Variants in RASGRP4 observed in about 807,000 individuals in gnomAD.
RASGRP4 encodes RAS guanyl releasing protein 4, also known as RAS guanyl-releasing protein 4.
A neutral mutation model predicts 84.4 loss-of-function variants in RASGRP4; 52 were observed. The ratio of observed to expected loss-of-function variants is 0.62; its 90% CI spans 0.49 to 0.78. The LOEUF (loss-of-function observed/expected upper bound fraction) is 0.78. Among genes scored for constraint, RASGRP4 ranks in the 30% least tolerant of loss-of-function variants. The pLI is 0.00. For missense variants in RASGRP4, 760 were observed against 886.9 expected, an observed-to-expected ratio of 0.86 and a Z score of 1.82; for synonymous variants, 356 against 359.1, an observed-to-expected ratio of 0.99 and a Z score of 0.10.
In RASGRP4 at chr19:38,418,315, G is replaced by A. The variant is rs943316179; in HGVS notation, c.837+76C>T. 2.6e-5 allele frequency: 37 copies of A among 1,440,016 alleles called. No individual in the cohort carries two copies. In the African/African-American group the frequency reaches 5.1e-4, roughly 20 times the overall value. The allele number at this position is 1,440,016 out of a possible 1,614,324, so 89.2% of individuals were successfully genotyped here. ...ACGTCACCGCCGGGATGACCCTGTG[G>A]GGTCGAGGGTCTGGAAGGGGAAGGA... On this transcript the variant is annotated intron_variant, in intron 7 of 16. Coordinates refer to ENST00000615439, the MANE Select transcript of RASGRP4 (RefSeq NM_170604.3). This position sits in a 1 kb window ranked among gnomAD's most constrained non-coding sequence, Gnocchi z 4.6.
Position 38,411,389 on chromosome 19 carries a change from G to T in RASGRP4, c.1681-8C>A. On this transcript the variant is annotated splice_polypyrimidine_tract_variant and splice_region_variant and intron_variant, in intron 13 of 16. Transcript: ENST00000615439. ...CTTGGTGACACCCCAGAGCTGGGAA[G>T]AGAAAGGAGAAAAGGTTACCCATCC... The T allele has an allele frequency of 6.4e-7, 1 of 1,552,802 alleles. No individual in the cohort carries two copies. The highest frequency in any genetic ancestry group is 8.7e-7 in the Non-Finnish European group (1 of 1,145,764).
At position 38,412,481 on chromosome 19, in the gene RASGRP4, C is replaced by A. The variant is rs920943854; in HGVS notation, c.1680+191G>T. 3.3e-6 allele frequency: 2 copies of A among 615,028 alleles called. No homozygotes were observed. Among genetic ancestry groups the A allele is most frequent in the African/African-American group, 3.7e-5 (2 of 54,100 alleles). 38.1% of individuals were successfully genotyped at this position (615,028 alleles called of 1,614,324 possible). A position where few individuals can be genotyped will look rare whatever the true frequency, so the allele number is the denominator to read the frequency against. ...AGCAATTGTCTGGGGTGGACATTAT[C>A]TGGGATTTTGGGATTATCTGGCATT... is the stretch of plus-strand genomic sequence containing the variant. On this transcript the variant is annotated intron_variant, in intron 13 of 16. Transcript: ENST00000615439. This position sits in a 1 kb window ranked among gnomAD's most constrained non-coding sequence, Gnocchi z 4.6.
intron 6 of RASGRP4, among the ~76,000 whole-genome samples, chr19:38,419,272 A>G (rs981304380): frequency 4.6e-5 from 7 of 152,334 alleles, no homozygotes; most frequent in African/African-American, 7.2e-5. Flanking sequence ...TGGACCAGGC[A>G]CTGTTCCTGC....
At chr19:38,419,821 T>C (rs370589340) in intron 6 of RASGRP4, 39 bp downstream of exon 6, 2 of 1,541,764 alleles carry the variant, frequency 1.3e-6, no homozygotes, top group African/African-American at 2.7e-5. Flanking sequence ...TACCCCAGTG[T>C]CTCCCCTGCT....
intron 8 of RASGRP4, 139 bp from the exon 9 acceptor site, chr19:38,415,262 C>T: frequency 4.2e-6 from 3 of 708,088 alleles, no homozygotes; most frequent in Non-Finnish European, 4.5e-6. Flanking sequence ...CCATGCCGGT[C>T]TCAGCATCTC....
chr19:38,411,044 C>T lies in RASGRP4; in HGVS notation c.1853-46G>A, dbSNP rs1401288051. Reference sequence around the variant, plus strand: ...GGGATGTGGGTCTGATGGGAAGGACCTCTTCTTGACCTTGGACTCAACCCC... The same window carrying T: ...GGGATGTGGGTCTGATGGGAAGGACTTCTTCTTGACCTTGGACTCAACCCC... On this transcript the variant is annotated intron_variant, in intron 15 of 16. Transcript: ENST00000615439. 5 of 1,610,120 alleles carry T rather than the reference C, an allele frequency of 3.1e-6. No homozygotes were observed. In the South Asian group the frequency reaches 3.3e-5, roughly 11 times the overall value.
In RASGRP4 at chr19:38,420,770, T is replaced by C. The variant is rs1971709981; in HGVS notation, c.377+138A>G. Reference sequence around the variant, plus strand: ...TCTTAGGAACCAAGCTACAGGTGTCTCAGAAGTGGGATTTTGGCCTGTGGG... The same window carrying C: ...TCTTAGGAACCAAGCTACAGGTGTCCCAGAAGTGGGATTTTGGCCTGTGGG... On this transcript the variant is annotated intron_variant, in intron 4 of 16. Coordinates refer to ENST00000615439, the MANE Select transcript of RASGRP4 (RefSeq NM_170604.3). The C allele has an allele frequency of 8.7e-5, 69 of 793,048 alleles. No individual in the cohort carries two copies. The South Asian group carries it at 1.1e-3, about 12-fold the overall frequency. 49.1% of individuals were successfully genotyped at this position (793,048 alleles called of 1,614,324 possible).
chr19:38,420,225 C>G lies in RASGRP4; in HGVS notation c.415G>C (p.Asp139His). ...CCTATGACTTCTTCTAGCTGGGGAT[C>G]CTGGTGCATCACCTCAGGGTGTCGC... ...LMRHPEVMHQDPQLEEVIGRF... is the reference protein window; with the variant it reads ...LMRHPEVMHQHPQLEEVIGRF... Residue 139 changes from aspartate to histidine, a missense_variant, in exon 5 of 17, where the codon GAT (aspartate) becomes CAT (histidine). Asp to His is a moderately conservative substitution (Grantham distance 81, BLOSUM62 -1). Transcript: ENST00000615439. The G allele has an allele frequency of 1.9e-6, 3 of 1,613,092 alleles. No individual in the cohort carries two copies. Among genetic ancestry groups the G allele is most frequent in the Non-Finnish European group, 2.5e-6 (3 of 1,179,544 alleles).
In RASGRP4 at chr19:38,412,672, G is replaced by A. The variant is rs528875059; in HGVS notation, c.1680C>T (p.Phe560=). 25 of 1,612,626 alleles carry A rather than the reference G, an allele frequency of 1.6e-5. No homozygotes were observed. Among genetic ancestry groups the A allele is most frequent in the Non-Finnish European group, 1.9e-5 (22 of 1,179,334 alleles). ...KPTFCDSCSG[F]LWGVTKQGYR... Reference sequence around the variant, plus strand: ...GGTGGTGATGGGGTGGGGTGCTCACGAAGCCACTGCAGCTGTCGCAGAAGG... The same window carrying A: ...GGTGGTGATGGGGTGGGGTGCTCACAAAGCCACTGCAGCTGTCGCAGAAGG... Residue 560 remains phenylalanine, a splice_region_variant and synonymous_variant, in exon 13 of 17, where the codon TTC becomes TTT. Coordinates refer to ENST00000615439, the MANE Select transcript of RASGRP4 (RefSeq NM_170604.3). This position sits in a 1 kb window ranked among gnomAD's most constrained non-coding sequence, Gnocchi z 4.6.
At position 38,418,297 on chromosome 19, in the gene RASGRP4, C is replaced by A; in HGVS notation, c.837+94G>T. On this transcript the variant is annotated intron_variant, in intron 7 of 16. Transcript: ENST00000615439. This position sits in a 1 kb window ranked among gnomAD's most constrained non-coding sequence, Gnocchi z 4.6. ...GGGGCCGGGAGATGCGTGACGTCAC[C>A]GCCGGGATGACCCTGTGGGGTCGAG... is the stretch of plus-strand genomic sequence containing the variant. 6 of 1,343,794 alleles carry A rather than the reference C, an allele frequency of 4.5e-6. No homozygotes were observed. Among genetic ancestry groups the A allele is most frequent in the Admixed American group, 2.1e-5 (1 of 46,578 alleles). 83.2% of individuals were successfully genotyped at this position (1,343,794 alleles called of 1,614,324 possible).
intron 4 of RASGRP4, 98 bp from the exon 5 acceptor site, chr19:38,420,360 G>C (rs1216509719): frequency 1.4e-6 from 2 of 1,390,920 alleles, no homozygotes; most frequent in East Asian, 2.4e-5. Context: ...CTGAGCTAGG[G>C]GGTCTCTAAA....
At position 38,413,182 on chromosome 19, in the gene RASGRP4, C is replaced by T; in HGVS notation, c.1416+11G>A. On this transcript the variant is annotated intron_variant, in intron 11 of 16. Coordinates refer to ENST00000615439, the MANE Select transcript of RASGRP4 (RefSeq NM_170604.3). The surrounding 1 kb of genome is among the most constrained non-coding windows in gnomAD (Gnocchi z 4.7). ...TGGCTGCTGGCGGCCGGGCCACCCT[C>T]CCCTCCTTACCTCCACCAGCTGCTC... 1 of 1,611,282 alleles carries T rather than the reference C, an allele frequency of 6.2e-7. No homozygotes were observed. The highest frequency in any genetic ancestry group is 8.5e-7 in the Non-Finnish European group (1 of 1,178,220).
rs367930141 is a variant in RASGRP4, at chr19:38,418,030, A to C, written c.837+361T>G. Among the ~76,000 whole-genome samples the C allele has an allele frequency of 1.6e-4, 25 of 151,676 alleles. No homozygotes were observed. The highest frequency in any genetic ancestry group is 6.1e-4 in the African/African-American group (25 of 41,288). ...CAATGGGGAGCGATGCACAATCCCG[A>C]AGCGACCGCTGGGGCCTGGGGACTG... On this transcript the variant is annotated intron_variant, in intron 7 of 16. Transcript: ENST00000615439. The surrounding 1 kb of genome is among the most constrained non-coding windows in gnomAD (Gnocchi z 4.6).
At chr19:38,422,300 T>C in intron 1 of RASGRP4, 147 bp from the exon 2 acceptor site, 2 of 669,346 alleles carry the variant, frequency 3.0e-6, no homozygotes, top group South Asian at 2.0e-5. Context: ...CCAGGGACTC[T>C]AGAGAGAATC....
intron 2 of RASGRP4, among the ~76,000 whole-genome samples, 173 bp downstream of exon 2, chr19:38,421,795 TA>T (rs1322401037): frequency 6.7e-6 from 1 of 150,340 alleles, no homozygotes; most frequent in Non-Finnish European, 1.5e-5. Flanking sequence ...TAAATGTATA[TA>T]TTTCCATTTC....
At chr19:38,423,549 AAGAG>A (rs1971852315) in intron 1 of RASGRP4, among the ~76,000 whole-genome samples, 1 of 147,260 alleles carries the variant, frequency 6.8e-6, no homozygotes, top group African/African-American at 2.5e-5. Flanking sequence ...AAAAATTAAA[AAGAG>A]AGGCCAGTCA....
At position 38,413,382 on chromosome 19, in the gene RASGRP4, G is replaced by A. The variant is rs367734199; in HGVS notation, c.1311+12C>T. ...TAATTGGGGGAGTCCGAGGCCAGGGGTTGGGTCTCACCAGGCTCTTGGGAC... is the reference window on the plus strand; with the variant it reads ...TAATTGGGGGAGTCCGAGGCCAGGGATTGGGTCTCACCAGGCTCTTGGGAC... On this transcript the variant is annotated intron_variant, in intron 10 of 16. Transcript: ENST00000615439. This position sits in a 1 kb window ranked among gnomAD's most constrained non-coding sequence, Gnocchi z 4.7. 6.2e-7 allele frequency: 1 copy of A among 1,609,076 alleles called. No homozygotes were observed. Among genetic ancestry groups the A allele is most frequent in the Non-Finnish European group, 8.5e-7 (1 of 1,177,552 alleles).
In RASGRP4 at chr19:38,415,025, C is replaced by T. The variant is rs780737985; in HGVS notation, c.1053G>A (p.Leu351=). Reference sequence around the variant, plus strand: ...ACACCAGGTCCTTGAGGTGCACGCCCAGTACAGGCAGCCGGAAACCCGCGC... The same window carrying T: ...ACACCAGGTCCTTGAGGTGCACGCCTAGTACAGGCAGCCGGAAACCCGCGC... ...AGCAGFRLPV[L]GVHLKDLVSL... Residue 351 remains leucine, a synonymous_variant, in exon 9 of 17, where the codon CTG becomes CTA. Transcript: ENST00000615439. The T allele has an allele frequency of 1.1e-5, 17 of 1,610,434 alleles. No homozygotes were observed. The highest frequency in any genetic ancestry group is 2.2e-5 in the East Asian group (1 of 44,782).
chr19:38,420,125 A>T lies in RASGRP4; in HGVS notation c.509+6T>A, dbSNP rs1971676893. The T allele has an allele frequency of 6.2e-7, 1 of 1,611,844 alleles. No individual in the cohort carries two copies. The highest frequency in any genetic ancestry group is 8.5e-7 in the Non-Finnish European group (1 of 1,178,944). The stretch of plus-strand genomic sequence containing the variant: ...CAGGGAAGAGGGGAGCACAGGGCTG[A>T]CTCACAGGTCAGAAGAGTCTCCCAG... On this transcript the variant is annotated splice_donor_region_variant and intron_variant, in intron 5 of 16. Coordinates refer to ENST00000615439, the MANE Select transcript of RASGRP4 (RefSeq NM_170604.3).
Sources: gnomAD v4.1 joint callset for allele counts (sites outside exome capture counted in the v4.1 genomes callset) on GRCh38, gnomAD v4.1.1 for gene constraint, Gnocchi (gnomAD v3.1) non-coding constraint, MANE v1.5 for transcripts, NCBI Gene and HGNC (gene_info 2026-07-23, HGNC 2026-07-21) for gene names.